The following LRBA variants were observed in gnomAD, a reference collection of about 807,000 sequenced individuals.
The protein encoded by LRBA is lipopolysaccharide-responsive and beige-like anchor protein.
A neutral mutation model predicts 330.0 loss-of-function variants in LRBA; 176 were observed. The observed-to-expected ratio is 0.53, with a 90% CI of 0.47 to 0.60. The LOEUF (loss-of-function observed/expected upper bound fraction) is 0.60. Ranked by LOEUF, LRBA falls within the 20% of genes least tolerant of loss-of-function variation. The pLI is 0.00. For missense variants in LRBA, 3,259 were observed against 3,444.8 expected, an observed-to-expected ratio of 0.95 and a Z score of 1.35; for synonymous variants, 1,230 against 1,193.0, an observed-to-expected ratio of 1.03 and a Z score of -0.64.
rs556674334 is a variant in LRBA, at chr4:150,368,490, C to T, written c.7195-18331G>A. Among the ~76,000 whole-genome samples, 103 of 152,226 alleles carry T rather than the reference C, an allele frequency of 6.8e-4. No individual in the cohort carries two copies. The Middle Eastern group carries it at 0.01, about 15-fold the overall frequency. ...AATTTAAACAGCATCTAAGTTAGAA[C>T]ATTACTGAAGCATTTTCAGGCTATG... On this transcript the variant is annotated intron_variant, in intron 47 of 56. Coordinates refer to ENST00000651943, the MANE Select transcript of LRBA (RefSeq NM_001364905.1).
chr4:150,404,705 C>T (rs936817806), intron 47 of LRBA, among the ~76,000 whole-genome samples: 2 of 151,914 alleles, frequency 1.3e-5, no homozygotes, highest in African/African-American at 4.8e-5. Context: ...GAGATACCCA[C>T]GGGGAAGAAT....
chr4:150,862,472 T>C (rs1365403512), intron 22 of LRBA, among the ~76,000 whole-genome samples: 2 of 151,974 alleles, frequency 1.3e-5, no homozygotes, highest in Non-Finnish European at 1.5e-5. Flanking sequence ...AGGTGGGAAT[T>C]GAACAATGAG....
At chr4:150,309,817 G>T (rs1374731589) in intron 52 of LRBA, among the ~76,000 whole-genome samples, 4 of 152,162 alleles carry the variant, frequency 2.6e-5, no homozygotes, top group African/African-American at 9.7e-5. Context: ...CTACTGCCAA[G>T]AGTTAGACTT....
At chr4:150,945,502 T>C (rs1736144073) in intron 2 of LRBA, among the ~76,000 whole-genome samples, 2 of 152,210 alleles carry the variant, frequency 1.3e-5, no homozygotes, top group Admixed American at 6.5e-5. Flanking sequence ...TACAATTATA[T>C]TTAAATCAGA....
chr4:150,846,920 C>T (rs962123772), intron 26 of LRBA, among the ~76,000 whole-genome samples: 24 of 152,122 alleles, frequency 1.6e-4, no homozygotes, highest in African/African-American at 5.3e-4. Context: ...TTTCCCTAGC[C>T]TCTGAATCTG....
chr4:150,461,127 T>C (rs1266034637), intron 44 of LRBA, among the ~76,000 whole-genome samples: 1 of 151,744 alleles, frequency 6.6e-6, no homozygotes, highest in Non-Finnish European at 1.5e-5. Flanking sequence ...AGTAGGGCAA[T>C]TTGAAAAGAA....
intron 42 of LRBA, among the ~76,000 whole-genome samples, chr4:150,474,733 T>C (rs1756525985): frequency 6.6e-6 from 1 of 152,182 alleles, no homozygotes; most frequent in Non-Finnish European, 1.5e-5. Context: ...GCTACTTTCT[T>C]TCTTCATTCC....
chr4:150,322,144 A>G (rs2126929211), intron 49 of LRBA, among the ~76,000 whole-genome samples: 1 of 152,328 alleles, frequency 6.6e-6, no homozygotes, highest in East Asian at 1.9e-4. Context: ...TTAAAAAACA[A>G]ACAAAACTAG....
At position 150,900,194 on chromosome 4, in the gene LRBA, A is replaced by G. The variant is rs745928268; in HGVS notation, c.1779T>C (p.Tyr593=). 1.2e-5 allele frequency: 20 copies of G among 1,612,578 alleles called. No homozygotes were observed. Among genetic ancestry groups the G allele is most frequent in the Middle Eastern group, 1.6e-4 (1 of 6,078 alleles). ...CTGTACCAATGAATTCCGTGGACAGATAAGTATAGAGCATCAGTTGAACCT... is the reference window on the plus strand; with the variant it reads ...CTGTACCAATGAATTCCGTGGACAGGTAAGTATAGAGCATCAGTTGAACCT... ...PAKVQLMLYT[Y]LSTEFIGTVN... Residue 593 remains tyrosine (Y), a synonymous_variant, in exon 14 of 57, where the codon TAT becomes TAC. Transcript: ENST00000651943.
At chr4:150,882,968 T>A (rs887103711) in intron 17 of LRBA, among the ~76,000 whole-genome samples, 1 of 152,186 alleles carries the variant, frequency 6.6e-6, no homozygotes, top group Non-Finnish European at 1.5e-5. Flanking sequence ...TTGATGAAAA[T>A]TAAATTGTCA....
At chr4:150,497,598 C>T (rs1373258478) in intron 40 of LRBA, among the ~76,000 whole-genome samples, 1 of 152,128 alleles carries the variant, frequency 6.6e-6, no homozygotes, top group Non-Finnish European at 1.5e-5. Flanking sequence ...GTATTCATAG[C>T]ATTTCATGGG....
intron 35 of LRBA, among the ~76,000 whole-genome samples, chr4:150,742,212 T>A (rs1309447570): frequency 2.0e-5 from 3 of 150,340 alleles, no homozygotes; most frequent in African/African-American, 7.3e-5. Flanking sequence ...GTGGTGCAAT[T>A]ATGGCTCACA....
chr4:150,677,751 C>T (rs1002302098), intron 37 of LRBA, among the ~76,000 whole-genome samples: 1 of 150,826 alleles, frequency 6.6e-6, no homozygotes, highest in Non-Finnish European at 1.5e-5. Flanking sequence ...TTGCAGTAAG[C>T]TATAATCACG....
chr4:150,662,418 G>C (rs975723070), intron 37 of LRBA, among the ~76,000 whole-genome samples: 1 of 152,162 alleles, frequency 6.6e-6, no homozygotes, highest in Non-Finnish European at 1.5e-5. Context: ...GCACACCCTT[G>C]TTAGGATAAA....
chr4:150,557,781 C>T (rs1293281783), intron 40 of LRBA, among the ~76,000 whole-genome samples: 2 of 152,184 alleles, frequency 1.3e-5, no homozygotes. Context: ...TACATGCTAT[C>T]AACGTGTTTT....
chr4:150,308,499 T>C (rs956214762), intron 52 of LRBA, among the ~76,000 whole-genome samples: 1 of 152,230 alleles, frequency 6.6e-6, no homozygotes, highest in Non-Finnish European at 1.5e-5. Context: ...TTTTTATTGT[T>C]AAAGTGTAGT....
At chr4:150,632,338 C>A (rs1216778457) in intron 37 of LRBA, among the ~76,000 whole-genome samples, 2 of 151,762 alleles carry the variant, frequency 1.3e-5, no homozygotes, top group Non-Finnish European at 2.9e-5. Flanking sequence ...TTTTCTGGGA[C>A]AACTCTAAAT....
At chr4:150,635,155 C>G (rs1777766801) in intron 37 of LRBA, among the ~76,000 whole-genome samples, 2 of 152,186 alleles carry the variant, frequency 1.3e-5, no homozygotes, top group Non-Finnish European at 2.9e-5. Context: ...TTAGCCTCCA[C>G]AGCTTCTCTA....
At position 150,798,269 on chromosome 4, in the gene LRBA, A is replaced by T. The variant is rs569849914; in HGVS notation, c.5519-127T>A. ...TTAATAGTGCACATTTAATCACATGATCAAATAAGGTACACTATAGTTAGT... is the reference window on the plus strand; with the variant it reads ...TTAATAGTGCACATTTAATCACATGTTCAAATAAGGTACACTATAGTTAGT... On this transcript the variant is annotated intron_variant, in intron 33 of 56. Transcript: ENST00000651943. 168 of 616,146 alleles carry T rather than the reference A, an allele frequency of 2.7e-4. 6 individuals are homozygous for T. In the South Asian group the frequency reaches 3.7e-3, roughly 14 times the overall value. 38.2% of individuals were successfully genotyped at this position (616,146 alleles called of 1,614,324 possible).
Sources: allele counts gnomAD v4.1 joint callset (sites outside exome capture counted in the v4.1 genomes callset), GRCh38; gene constraint gnomAD v4.1.1; transcripts MANE v1.5; gene names NCBI Gene and HGNC (gene_info 2026-07-23, HGNC 2026-07-21).